LRMDA: variants seen among roughly 807,000 people sequenced by gnomAD.
LRMDA encodes leucine-rich melanocyte differentiation-associated protein.
Under a neutral mutation model 29.8 loss-of-function variants are expected in LRMDA, and 18 were observed. The observed-to-expected ratio is 0.60, with a 90% CI of 0.42 to 0.90. The LOEUF (loss-of-function observed/expected upper bound fraction) is 0.90, where lower values mean the gene tolerates loss of function less well. LRMDA is among the 40% of genes least tolerant of loss of function. LRMDA has a pLI of 0.00. For missense variants in LRMDA, 273 were observed against 273.9 expected (o/e 1.00, Z 0.02); for synonymous variants, 125 against 109.4 (o/e 1.14, Z -0.89).
At chr10:75,762,585 A>C (rs1843110961) in intron 2 of LRMDA, among the ~76,000 whole-genome samples, 4 of 152,190 alleles carry the variant, frequency 2.6e-5, no homozygotes, top group African/African-American at 9.7e-5. Context: ...CCTGAGTTTA[A>C]ATCTTGGCTC....
intron 2 of LRMDA, among the ~76,000 whole-genome samples, chr10:75,822,156 G>A (rs540403523): frequency 6.6e-6 from 1 of 152,218 alleles, no homozygotes; most frequent in African/African-American, 2.4e-5. Context: ...AAAACCAGTA[G>A]CATTTCTGTA....
At chr10:76,190,134 C>A (rs535499560) in intron 5 of LRMDA, among the ~76,000 whole-genome samples, 81 of 152,098 alleles carry the variant, frequency 5.3e-4, no homozygotes, top group Non-Finnish European at 9.0e-4. Context: ...TCAAACTGGT[C>A]ATTTTTGCAG....
intron 3 of LRMDA, among the ~76,000 whole-genome samples, chr10:76,036,373 G>T (rs117013064): frequency 6.6e-6 from 1 of 152,180 alleles, no homozygotes; most frequent in South Asian, 2.1e-4. Context: ...TCTTCCTGTT[G>T]CTCCATTTTA....
chr10:75,851,419 C>G (rs945199430), intron 2 of LRMDA, among the ~76,000 whole-genome samples: 1 of 152,104 alleles, frequency 6.6e-6, no homozygotes, highest in Non-Finnish European at 1.5e-5. Flanking sequence ...TTTTCCTCTT[C>G]TTTCCTTCCA....
intron 5 of LRMDA, among the ~76,000 whole-genome samples, chr10:76,194,025 G>T (rs1173518963): frequency 6.6e-6 from 1 of 152,194 alleles, no homozygotes; most frequent in African/African-American, 2.4e-5. Context: ...CCAGTGCAAA[G>T]GTACAGAGAC....
intron 5 of LRMDA, among the ~76,000 whole-genome samples, chr10:76,271,052 A>G (rs1192290928): frequency 2.0e-5 from 3 of 152,198 alleles, no homozygotes; most frequent in Non-Finnish European, 4.4e-5. Context: ...GCTAAACCCT[A>G]GGCTACCCAG....
chr10:75,836,413 G>A lies in LRMDA; in HGVS notation c.132-199595G>A, dbSNP rs558278627. 3.9e-5 allele frequency among the ~76,000 whole-genome samples: 6 copies of A among 152,302 alleles called. No individual in the cohort carries two copies. The South Asian group carries it at 1.2e-3, about 32-fold the overall frequency. Reference sequence around the variant, plus strand: ...CTGAGTCTAGGAGGATTCAGAAGAGGATATTTAGTTTTTCAGCTTGTCCTC... The same window carrying A: ...CTGAGTCTAGGAGGATTCAGAAGAGAATATTTAGTTTTTCAGCTTGTCCTC... On this transcript the variant is annotated intron_variant, in intron 2 of 6. Transcript: ENST00000611255.
At chr10:76,354,796 A>G (rs1044440828) in intron 6 of LRMDA, among the ~76,000 whole-genome samples, 6 of 152,210 alleles carry the variant, frequency 3.9e-5, no homozygotes, top group African/African-American at 1.4e-4. Context: ...ATCACCTCCA[A>G]CATTTATCAT....
At chr10:75,636,459 C>T (rs1841391225) in intron 2 of LRMDA, among the ~76,000 whole-genome samples, 1 of 152,172 alleles carries the variant, frequency 6.6e-6, no homozygotes, top group South Asian at 2.1e-4. Flanking sequence ...AATGCTGGTA[C>T]ATGCTAAGCT....
chr10:75,740,245 C>T (rs913139941), intron 2 of LRMDA, among the ~76,000 whole-genome samples: 1 of 152,160 alleles, frequency 6.6e-6, no homozygotes, highest in Non-Finnish European at 1.5e-5. Context: ...GATGTTCAGA[C>T]AAATGCTGAC....
At chr10:76,557,161 C>A in intron 6 of LRMDA, 48 bp from the exon 7 acceptor site, 1 of 1,456,870 alleles carries the variant, frequency 6.9e-7, no homozygotes, top group Non-Finnish European at 9.6e-7. Flanking sequence ...TGTTTCCCTG[C>A]TATGCTAAGT....
rs10676765 is a variant in LRMDA, at chr10:76,338,701, T to TA, written c.601+14225dup. The stretch of plus-strand genomic sequence containing the variant: ...AAGACAGAGCACTACCAGATTTGGT[T>TA]AAAAAAAAATGTAAAATAAAATACT... On this transcript the variant is annotated intron_variant, in intron 6 of 6. Transcript: ENST00000611255. Among the ~76,000 whole-genome samples the TA allele has an allele frequency of 6.5e-3, 981 of 150,906 alleles. 9 individuals carry two copies. The highest frequency in any genetic ancestry group is 0.045 in the Middle Eastern group (13 of 288).
At chr10:75,986,623 T>C (rs116378083) in intron 2 of LRMDA, among the ~76,000 whole-genome samples, 1,548 of 152,348 alleles carry the variant, frequency 0.01, 6 homozygotes, top group Middle Eastern at 0.02. Flanking sequence ...CCCACAGAAT[T>C]AGCCACATCT....
intron 2 of LRMDA, among the ~76,000 whole-genome samples, chr10:75,911,148 T>G (rs1845836932): frequency 6.6e-6 from 1 of 152,198 alleles, no homozygotes; most frequent in Non-Finnish European, 1.5e-5. Context: ...AAGAAACATC[T>G]GTTCCACTCT....
At chr10:76,495,429 A>G (rs1291240922) in intron 6 of LRMDA, among the ~76,000 whole-genome samples, 3 of 151,910 alleles carry the variant, frequency 2.0e-5, no homozygotes, top group Non-Finnish European at 4.4e-5. Context: ...ATAATAAACC[A>G]TGACATTGAG....
intron 2 of LRMDA, among the ~76,000 whole-genome samples, chr10:76,001,746 G>A (rs1847566712): frequency 6.6e-6 from 1 of 151,970 alleles, no homozygotes; most frequent in African/African-American, 2.4e-5. Context: ...GGCCTTTAAT[G>A]AGTTTAGAGG....
intron 2 of LRMDA, among the ~76,000 whole-genome samples, chr10:75,516,163 A>G (rs1845285886): frequency 6.6e-6 from 1 of 152,232 alleles, no homozygotes; most frequent in Admixed American, 6.5e-5. Flanking sequence ...TGCAATAAAC[A>G]TATGTGTGCA....
chr10:75,486,340 G>A lies in LRMDA; in HGVS notation c.131+47846G>A, dbSNP rs970659760. Among the ~76,000 whole-genome samples, 68 of 152,098 alleles carry A rather than the reference G, an allele frequency of 4.5e-4. 1 individual carries two copies. Among genetic ancestry groups the A allele is most frequent in the Admixed American group, 3.7e-3 (56 of 15,266 alleles). ...AATCTATCAGATATCCTGATGAATT[G>A]ATATTACACTTCTTGTAGTTCTTGT... is the stretch of plus-strand genomic sequence containing the variant. On this transcript the variant is annotated intron_variant, in intron 2 of 6. Coordinates refer to ENST00000611255, the MANE Select transcript of LRMDA (RefSeq NM_001305581.2).
chr10:75,586,958 G>C (rs947448695), intron 2 of LRMDA, among the ~76,000 whole-genome samples: 1 of 151,934 alleles, frequency 6.6e-6, no homozygotes, highest in African/African-American at 2.4e-5. Flanking sequence ...TTTCTTTGCT[G>C]TGCAGAAGTG....
Sources: gnomAD v4.1 joint callset for allele counts (sites outside exome capture counted in the v4.1 genomes callset) on GRCh38, gnomAD v4.1.1 for gene constraint, MANE v1.5 for transcripts, NCBI Gene and HGNC (gene_info 2026-07-23, HGNC 2026-07-21) for gene names.